The following PLAUR variants were observed in gnomAD, a reference collection of about 807,000 sequenced individuals.
PLAUR encodes the protein urokinase plasminogen activator surface receptor.
PLAUR carries 22 observed loss-of-function variants against 33.4 expected under a neutral mutation model. The ratio of observed to expected loss-of-function variants is 0.66; its 90% CI spans 0.47 to 0.94. The LOEUF (loss-of-function observed/expected upper bound fraction) is 0.94, where lower values mean the gene tolerates loss of function less well. Ranked by LOEUF, PLAUR falls within the 40% of genes least tolerant of loss-of-function variation. PLAUR has a pLI of 0.00. For synonymous variants in PLAUR, 148 were observed against 167.3 expected (o/e 0.88, Z 0.89); for missense variants, 408 against 434.7 (o/e 0.94, Z 0.55).
Position 43,670,110 on chromosome 19 carries a change from G to A in PLAUR, c.11C>T (p.Pro4Leu). The change falls in exon 1 of 7, where the codon CCG becomes CTG. Residue 4 changes from proline (P) to leucine (L), a missense_variant. Coordinates refer to ENST00000340093, the MANE Select transcript of PLAUR (RefSeq NM_002659.4). Reference protein sequence around the residue: MGHPPLLPLLLLLH... With the variant: MGHLPLLPLLLLLH... ...CAGCAGCAGCAGCGGCAGCAGCGGC[G>A]GGTGACCCATGTCGCGAGGGCAGCT... 1 of 1,610,826 alleles carries A rather than the reference G, an allele frequency of 6.2e-7. No homozygotes were observed. The highest frequency in any genetic ancestry group is 8.5e-7 in the Non-Finnish European group (1 of 1,177,998).
At position 43,656,620 on chromosome 19, in the gene PLAUR, G is replaced by A. The variant is rs992988583; in HGVS notation, c.331C>T (p.Arg111Ter). ...GNSGRAVTYS[R>*]SRYLECISCG... is the part of the protein sequence containing the mutation. ...GAAATGCATTCGAGGTAACGGCTTC[G>A]GGAATAGGTGACAGCCCGGCCTGTT... The change falls in exon 4 of 7, where the codon CGA becomes TGA. Residue 111 changes from arginine (R) to a stop codon, truncating the protein, a stop_gained. Transcript: ENST00000340093. LOFTEE classifies it high-confidence loss of function. 4.4e-6 allele frequency: 7 copies of A among 1,606,478 alleles called. No homozygotes were observed. The highest frequency in any genetic ancestry group is 1.1e-5 in the South Asian group (1 of 90,254).
chr19:43,664,363 T>A (rs1303775528), intron 3 of PLAUR, among the ~76,000 whole-genome samples: 2 of 152,210 alleles, frequency 1.3e-5, no homozygotes, highest in Non-Finnish European at 2.9e-5. Context: ...GAGGAATCTC[T>A]TTCACGGATG....
intron 3 of PLAUR, among the ~76,000 whole-genome samples, chr19:43,659,611 G>T (rs1335310417): frequency 1.1e-4 from 16 of 152,052 alleles, no homozygotes; most frequent in Non-Finnish European, 7.4e-5. Context: ...TCTCTTCGAG[G>T]CCCCATGGCT....
chr19:43,653,239 A>T (rs1974069592), intron 5 of PLAUR, among the ~76,000 whole-genome samples: 1 of 152,224 alleles, frequency 6.6e-6, no homozygotes, highest in Non-Finnish European at 1.5e-5. Flanking sequence ...GTGCTCACTG[A>T]CCACATACAG....
At position 43,663,300 on chromosome 19, in the gene PLAUR, TACACACACACACACACACACACACACAC is replaced by T. The variant is rs59542257; in HGVS notation, c.310+1988_310+2015del. On this transcript the variant is annotated intron_variant, in intron 3 of 6. Transcript: ENST00000340093. ...TGGTGATGGATGGGTCTGTCACCCC[TACACACACACACACACACACACACACAC>T]ACACACACACACACACACACACACA... Among the ~76,000 whole-genome samples the T allele has an allele frequency of 5.3e-5, 7 of 131,908 alleles. No homozygotes were observed. The East Asian group carries it at 1.5e-3, about 29-fold the overall frequency. The allele number at this position is 131,908 out of a possible 152,430, so 86.5% of individuals were successfully genotyped here. A position where few individuals can be genotyped will look rare whatever the true frequency, so the allele number is the denominator to read the frequency against.
In PLAUR at chr19:43,649,123, T is replaced by C. The variant is rs771651654; in HGVS notation, c.775A>G (p.Met259Val). Residue 259 changes from methionine to valine, a missense_variant, in exon 7 of 7, where the codon ATG (methionine) becomes GTG (valine). Met to Val is a conservative substitution (Grantham distance 21). Coordinates refer to ENST00000340093, the MANE Select transcript of PLAUR (RefSeq NM_002659.4). ...GAGGCGGTTGCACAGCCTCTTACCA[T>C]ATAGCTTTGGTTTTTCGGTTCTGAG... ...GTHEPKNQSY[M>V]VRGCATASMC... 3 of 1,610,448 alleles carry C rather than the reference T, an allele frequency of 1.9e-6. No homozygotes were observed. The South Asian group carries it at 3.3e-5, about 18-fold the overall frequency.
At chr19:43,662,666 G>C (rs1967052043) in intron 3 of PLAUR, among the ~76,000 whole-genome samples, 1 of 150,714 alleles carries the variant, frequency 6.6e-6, no homozygotes, top group African/African-American at 2.4e-5. Flanking sequence ...CAGCCACACT[G>C]CTTTTGGCCA....
rs574412362 is a variant in PLAUR, at chr19:43,652,458, C to T, written c.608-87G>A. 13 of 1,318,786 alleles carry T rather than the reference C, an allele frequency of 9.9e-6. No homozygotes were observed. The South Asian group carries it at 1.7e-4, about 17-fold the overall frequency. 81.7% of individuals were successfully genotyped at this position (1,318,786 alleles called of 1,614,324 possible). On this transcript the variant is annotated intron_variant, in intron 5 of 6. Transcript: ENST00000340093. ...GAATGACCTCCCCAGGACTTCCACT[C>T]CGAGCCAGAGATGTCATGGAGCCAC...
chr19:43,654,488 C>T lies in PLAUR; in HGVS notation c.607+951G>A, dbSNP rs778813003. Among the ~76,000 whole-genome samples, 6 of 152,178 alleles carry T rather than the reference C, an allele frequency of 3.9e-5. No homozygotes were observed. In the East Asian group the frequency reaches 5.8e-4, roughly 15 times the overall value. On this transcript the variant is annotated intron_variant, in intron 5 of 6. Coordinates refer to ENST00000340093, the MANE Select transcript of PLAUR (RefSeq NM_002659.4). ...AAAAAATTGGTGGTGCATGGTGGCT[C>T]ATGCCTGTAATCCTAACACTTTGGG...
intron 4 of PLAUR, 28 bp downstream of exon 4, chr19:43,656,451 G>C (rs1433631892): frequency 1.3e-6 from 2 of 1,553,952 alleles, no homozygotes; most frequent in South Asian, 2.4e-5. Context: ...GAGCAGGGAG[G>C]AGGAGTTGCC....
Position 43,648,906 on chromosome 19 carries a change from G to C in PLAUR, c.992C>G (p.Thr331Ser), listed in dbSNP as rs867949500. The change falls in exon 7 of 7, where the codon ACT becomes AGT. Residue 331 changes from threonine (T) to serine (S), a missense_variant. By Grantham distance (58) the Thr-to-Ser change is moderately conservative (BLOSUM62 1). Coordinates refer to ENST00000340093, the MANE Select transcript of PLAUR (RefSeq NM_002659.4). ...LLMTARLWGGTLLWT is the reference protein window; with the variant it reads ...LLMTARLWGGSLLWT The stretch of plus-strand genomic sequence containing the variant: ...ATTTCAGGTTTAGGTCCAGAGGAGA[G>C]TGCCTCCCCACAGTCTGGCAGTCAT... 6.2e-6 allele frequency: 10 copies of C among 1,613,584 alleles called. No individual in the cohort carries two copies. Among genetic ancestry groups the C allele is most frequent in the Middle Eastern group, 3.4e-4 (2 of 5,946 alleles).
intron 3 of PLAUR, among the ~76,000 whole-genome samples, chr19:43,664,376 T>TCCATGCACCATGGAC (rs1359148275): frequency 6.6e-6 from 1 of 152,198 alleles, no homozygotes; most frequent in Admixed American, 6.5e-5. Context: ...CACGGATGGA[T>TCCATGCACCATGGAC]CCATGCACCA....
rs573122662 is a variant in PLAUR at position 43,651,010 on chromosome 19, C to A, written c.754+1215G>T. 4.8e-5 allele frequency among the ~76,000 whole-genome samples: 7 copies of A among 144,598 alleles called. No individual in the cohort carries two copies. In the South Asian group the frequency reaches 1.5e-3, roughly 31 times the overall value. 94.9% of individuals were successfully genotyped at this position (144,598 alleles called of 152,430 possible). A position where few individuals can be genotyped will look rare whatever the true frequency, so the allele number is the denominator to read the frequency against. ...ACCATGCCACTGCACTCTAGCCTGGCGACAGAGCAAGACTCCATTTCAAAA... is the reference window on the plus strand; with the variant it reads ...ACCATGCCACTGCACTCTAGCCTGGAGACAGAGCAAGACTCCATTTCAAAA... On this transcript the variant is annotated intron_variant, in intron 6 of 6. Transcript: ENST00000340093.
At chr19:43,668,062 A>G in intron 1 of PLAUR, 1 of 1,053,992 alleles carries the variant, frequency 9.5e-7, no homozygotes, top group Non-Finnish European at 1.2e-6. Flanking sequence ...CCCTCGGTCG[A>G]TTACGCCTCT....
intron 2 of PLAUR, among the ~76,000 whole-genome samples, chr19:43,666,780 G>A (rs1353356218): frequency 1.3e-5 from 2 of 151,602 alleles, no homozygotes; most frequent in Non-Finnish European, 2.9e-5. Context: ...TGTTGGCCAG[G>A]CTGGTCCTGA....
intron 3 of PLAUR, among the ~76,000 whole-genome samples, chr19:43,663,876 C>T (rs902111300): frequency 6.6e-6 from 1 of 151,390 alleles, no homozygotes; most frequent in African/African-American, 2.4e-5. Flanking sequence ...ATATAGGTAT[C>T]TCAGTTATTA....
intron 3 of PLAUR, chr19:43,665,012 G>A: frequency 2.6e-6 from 1 of 383,572 alleles, no homozygotes; most frequent in South Asian, 4.9e-5. Context: ...ATAAGGATGG[G>A]GTTGATTTGG....
At chr19:43,657,240 G>A (rs182194783) in intron 3 of PLAUR, among the ~76,000 whole-genome samples, 4 of 151,988 alleles carry the variant, frequency 2.6e-5, no homozygotes, top group African/African-American at 7.2e-5. Flanking sequence ...CACTGCACTC[G>A]GGCCCTTAGA....
Position 43,656,552 on chromosome 19 carries a change from C to G in PLAUR, c.399G>C (p.Gln133His). ...CTTCAGGGCTGCGGCACTGCAGGCT[C>G]TGGTGCCGGCCCCTCTCACAGCTCA... ...SDMSCERGRHQSLQCRSPEEQ... is the reference protein window; with the variant it reads ...SDMSCERGRHHSLQCRSPEEQ... Residue 133 changes from glutamine to histidine, a missense_variant, in exon 4 of 7, where the codon CAG becomes CAC. Coordinates refer to ENST00000340093, the MANE Select transcript of PLAUR (RefSeq NM_002659.4). 6.2e-7 allele frequency: 1 copy of G among 1,613,160 alleles called. No homozygotes were observed. Among genetic ancestry groups the G allele is most frequent in the South Asian group, 1.1e-5 (1 of 90,994 alleles).
Sources: allele counts gnomAD v4.1 joint callset (sites outside exome capture counted in the v4.1 genomes callset), GRCh38; gene constraint gnomAD v4.1.1; transcripts MANE v1.5; gene names NCBI Gene and HGNC (gene_info 2026-07-23, HGNC 2026-07-21).